The following NBAS variants were observed in gnomAD, a reference collection of about 807,000 sequenced individuals.
The protein encoded by NBAS is NAG/BC035112 fusion.
A neutral mutation model predicts 302.5 loss-of-function variants in NBAS; 219 were observed. The observed-to-expected ratio is 0.72, with a 90% CI of 0.65 to 0.81. The LOEUF (loss-of-function observed/expected upper bound fraction) is 0.81, where lower values mean the gene tolerates loss of function less well. Ranked by LOEUF, NBAS falls within the 30% of genes least tolerant of loss-of-function variation. The pLI is 0.00. For missense variants in NBAS, 2,932 were observed against 2,841.6 expected, an observed-to-expected ratio of 1.03 and a Z score of -0.72; for synonymous variants, 1,118 against 1,021.6, an observed-to-expected ratio of 1.09 and a Z score of -1.80.
chr2:15,264,574 G>A lies in NBAS; in HGVS notation c.5724+10910C>T, dbSNP rs548245484. 1.9e-4 allele frequency among the ~76,000 whole-genome samples: 29 copies of A among 152,290 alleles called. No individual in the cohort carries two copies. The South Asian group carries it at 4.8e-3, about 25-fold the overall frequency. On this transcript the variant is annotated intron_variant, in intron 44 of 51. Coordinates refer to ENST00000281513, the MANE Select transcript of NBAS (RefSeq NM_015909.4). ...CAGGCCAGTTAATCACAATCACCCC[G>A]GATGGGCTTCTGCAGCCAAATTTCT...
chr2:14,963,677 C>G, the NBAS span, among the ~76,000 whole-genome samples: 274 of 152,290 alleles, frequency 1.8e-3, 1 homozygote, highest in African/African-American at 6.4e-3. Flanking sequence ...GATAACATTT[C>G]CCATTTCTTG....
At position 15,216,068 on chromosome 2, in the gene NBAS, T is replaced by C. The variant is rs150857432; in HGVS notation, c.6432+2705A>G. Among the ~76,000 whole-genome samples, 210 of 152,300 alleles carry C rather than the reference T, an allele frequency of 1.4e-3. No homozygotes were observed. The Middle Eastern group carries it at 0.031, about 22-fold the overall frequency. On this transcript the variant is annotated intron_variant, in intron 48 of 51. Transcript: ENST00000281513. ...TTATAAGTCATTTTCCCCCATCAAA[T>C]GCACCTGTCCTTCAAAATAGATTTC... is the stretch of plus-strand genomic sequence containing the variant.
At chr2:15,195,347 T>C (rs1665568171) in intron 48 of NBAS, among the ~76,000 whole-genome samples, 1 of 152,182 alleles carries the variant, frequency 6.6e-6, no homozygotes, top group Admixed American at 6.5e-5. Flanking sequence ...TCTTGCTGGG[T>C]AAACAAAGTC....
the NBAS span, among the ~76,000 whole-genome samples, chr2:14,791,743 G>T: frequency 6.6e-6 from 1 of 151,944 alleles, no homozygotes; most frequent in South Asian, 2.1e-4. Context: ...GGCGGAGGTG[G>T]CAGTGAGCCG....
chr2:15,531,687 G>A (rs186242738), intron 9 of NBAS, among the ~76,000 whole-genome samples: 4 of 152,270 alleles, frequency 2.6e-5, no homozygotes, highest in South Asian at 4.1e-4. Context: ...CAGCCTAACT[G>A]TCTTCACTGC....
rs144918238 is a variant in NBAS at position 15,363,177 on chromosome 2, C to G, written c.3817+3403G>C. Among the ~76,000 whole-genome samples the G allele has an allele frequency of 3.6e-3, 550 of 152,324 alleles. 7 individuals carry two copies. The highest frequency in any genetic ancestry group is 0.03 in the Admixed American group (454 of 15,296). On this transcript the variant is annotated intron_variant, in intron 32 of 51. Transcript: ENST00000281513. ...CACAGAGTTCCCTCCTGCTCCTGAT[C>G]TTCTCTTCCTGACTGACTGCCTATG...
intron 7 of NBAS, among the ~76,000 whole-genome samples, chr2:15,536,944 T>TA (rs199712018): frequency 3.3e-5 from 5 of 152,284 alleles, no homozygotes; most frequent in East Asian, 3.9e-4. Flanking sequence ...TAGCCTGCGG[T>TA]AAAAAAGTCT....
intron 11 of NBAS, among the ~76,000 whole-genome samples, chr2:15,503,928 T>C (rs1661708081): frequency 6.6e-6 from 1 of 152,222 alleles, no homozygotes; most frequent in South Asian, 2.1e-4. Context: ...TTCTCTATAA[T>C]TATTTTTCTT....
chr2:15,168,613 T>C (rs771201393), intron 51 of NBAS, among the ~76,000 whole-genome samples: 2 of 152,230 alleles, frequency 1.3e-5, no homozygotes, highest in South Asian at 2.1e-4. Context: ...TCATGCTGTA[T>C]GATAAGTAAT....
At chr2:14,869,587 C>T in the NBAS span, among the ~76,000 whole-genome samples, 1 of 152,110 alleles carries the variant, frequency 6.6e-6, no homozygotes, top group African/African-American at 2.4e-5. Flanking sequence ...GCAATCCATA[C>T]CATCGTCCTC....
intron 2 of NBAS, among the ~76,000 whole-genome samples, chr2:15,557,906 T>TA (rs1262671076): frequency 6.6e-6 from 1 of 152,206 alleles, no homozygotes. Flanking sequence ...TGTCAGGAGT[T>TA]AAATGAATAC....
the NBAS span, among the ~76,000 whole-genome samples, chr2:15,161,384 C>T: frequency 6.6e-6 from 1 of 152,114 alleles, no homozygotes; most frequent in South Asian, 2.1e-4. Context: ...GAGCTAAAAT[C>T]AAATTGACCA....
At chr2:15,416,245 A>G (rs1006071838) in intron 24 of NBAS, among the ~76,000 whole-genome samples, 28 of 152,194 alleles carry the variant, frequency 1.8e-4, no homozygotes, top group Admixed American at 1.7e-3. Context: ...GGTTTCATCT[A>G]TAAAAGTCAG....
chr2:14,818,006 T>C, the NBAS span, among the ~76,000 whole-genome samples: 23 of 152,110 alleles, frequency 1.5e-4, no homozygotes, highest in Non-Finnish European at 2.5e-4. Context: ...TACTGTTCTT[T>C]CCACCCACTG....
chr2:15,427,499 C>G (rs1677537085), intron 22 of NBAS, among the ~76,000 whole-genome samples: 1 of 152,028 alleles, frequency 6.6e-6, no homozygotes, highest in Admixed American at 6.6e-5. Flanking sequence ...TAATAAGCAC[C>G]ATTTTTTAAC....
chr2:15,027,960 A>T, the NBAS span, among the ~76,000 whole-genome samples: 1 of 152,142 alleles, frequency 6.6e-6, no homozygotes, highest in Non-Finnish European at 1.5e-5. Flanking sequence ...TGATGTTGAA[A>T]CTTCATTTAC....
intron 6 of NBAS, among the ~76,000 whole-genome samples, chr2:15,548,619 C>T (rs148424015): frequency 6.6e-6 from 1 of 151,708 alleles, no homozygotes; most frequent in Non-Finnish European, 1.5e-5. Context: ...CTCCAGCCTG[C>T]GCAACAGAGC....
chr2:14,989,193 G>A, the NBAS span, among the ~76,000 whole-genome samples: 12 of 152,094 alleles, frequency 7.9e-5, no homozygotes, highest in Non-Finnish European at 1.5e-4. Flanking sequence ...CTATAGTCAT[G>A]TTTGTGTTTA....
At chr2:15,015,836 G>A in the NBAS span, among the ~76,000 whole-genome samples, 2 of 152,038 alleles carry the variant, frequency 1.3e-5, no homozygotes, top group South Asian at 2.1e-4. Context: ...TTGGAAAGAA[G>A]GAAGTCACAT....
Sources: allele counts gnomAD v4.1 joint callset (sites outside exome capture counted in the v4.1 genomes callset), GRCh38; gene constraint gnomAD v4.1.1; transcripts MANE v1.5; gene names NCBI Gene and HGNC (gene_info 2026-07-23, HGNC 2026-07-21).